Variants in CAMTA1 observed in about 807,000 individuals in gnomAD.
CAMTA1 encodes calmodulin-binding transcription activator 1.
A neutral mutation model predicts 170.9 loss-of-function variants in CAMTA1; 27 were observed. The ratio of observed to expected loss-of-function variants is 0.16; its 90% CI spans 0.12 to 0.22. CAMTA1 has a LOEUF of 0.22. Ranked by LOEUF, CAMTA1 falls within the 10% of genes least tolerant of loss-of-function variation. The probability of loss-of-function intolerance (pLI) is 1.00; values close to 1 mark genes in which losing one functional copy is unlikely to be tolerated. For missense variants in CAMTA1, 1,619 were observed against 2,217.2 expected, an observed-to-expected ratio of 0.73 and a Z score of 5.42; for synonymous variants, 833 against 891.5, an observed-to-expected ratio of 0.93 and a Z score of 1.17.
chr1:7,245,362 T>G (rs901683126), intron 4 of CAMTA1, among the ~76,000 whole-genome samples: 2 of 151,300 alleles, frequency 1.3e-5, no homozygotes, highest in Non-Finnish European at 3.0e-5. Context: ...TTTTACTCTG[T>G]GTAATCTACG....
chr1:7,618,482 G>A (rs2095575271), intron 6 of CAMTA1, among the ~76,000 whole-genome samples: 1 of 152,176 alleles, frequency 6.6e-6, no homozygotes, highest in South Asian at 2.1e-4. Context: ...CCCTGGCTTG[G>A]GGCCTCTGCC....
At chr1:6,977,302 G>C (rs890779489) in intron 3 of CAMTA1, among the ~76,000 whole-genome samples, 3 of 151,810 alleles carry the variant, frequency 2.0e-5, no homozygotes, top group African/African-American at 7.3e-5. Flanking sequence ...TGCCAGTGGG[G>C]TTATGTTGGA....
intron 3 of CAMTA1, among the ~76,000 whole-genome samples, chr1:6,900,470 G>A (rs1207226770): frequency 6.6e-6 from 1 of 151,760 alleles, no homozygotes; most frequent in East Asian, 1.9e-4. Context: ...GTCTTTTGGA[G>A]TTTTAGACAG....
At position 6,900,670 on chromosome 1, in the gene CAMTA1, T is replaced by A. The variant is rs74051042; in HGVS notation, c.234+75460T>A. 6.3e-3 allele frequency among the ~76,000 whole-genome samples: 966 copies of A among 152,202 alleles called. 11 individuals are homozygous for A. Among genetic ancestry groups the A allele is most frequent in the African/African-American group, 0.022 (910 of 41,548 alleles). Reference sequence around the variant, plus strand: ...ACAATTGGAAGAGGAAACTTAAATATCAGTACCATTTACAGTAGCTTCAAA... The same window carrying A: ...ACAATTGGAAGAGGAAACTTAAATAACAGTACCATTTACAGTAGCTTCAAA... On this transcript the variant is annotated intron_variant, in intron 3 of 22. Transcript: ENST00000303635.
intron 6 of CAMTA1, among the ~76,000 whole-genome samples, chr1:7,549,089 G>A (rs1338565518): frequency 7.0e-6 from 1 of 143,510 alleles, no homozygotes; most frequent in African/African-American, 2.6e-5. Flanking sequence ...CCTCCTTAGG[G>A]GTGGAGGTGC....
At chr1:6,926,688 C>CTTCCCTCT (rs1683342420) in intron 3 of CAMTA1, among the ~76,000 whole-genome samples, 1 of 144,284 alleles carries the variant, frequency 6.9e-6, no homozygotes, top group African/African-American at 2.6e-5. Context: ...TCCTTCCTTC[C>CTTCCCTCT]TTCCCTCCTT....
intron 11 of CAMTA1, among the ~76,000 whole-genome samples, chr1:7,709,012 G>A (rs2096548901): frequency 6.6e-6 from 1 of 151,938 alleles, no homozygotes; most frequent in African/African-American, 2.4e-5. Flanking sequence ...TCTCCAGCTG[G>A]CCACACCCCA....
rs535502070 is a variant in CAMTA1 at position 7,425,515 on chromosome 1, G to A, written c.439-42315G>A. The stretch of plus-strand genomic sequence containing the variant: ...TGCAAGGCCAGGGTCCTTCAGAGCA[G>A]CCTCCATGGCAGATAAAGGGAGAGT... On this transcript the variant is annotated intron_variant, in intron 5 of 22. Transcript: ENST00000303635. 9.9e-4 allele frequency among the ~76,000 whole-genome samples: 150 copies of A among 152,242 alleles called. 7 individuals carry two copies. The South Asian group carries it at 0.029, about 30-fold the overall frequency.
At chr1:7,185,549 T>A (rs2148911245) in intron 4 of CAMTA1, among the ~76,000 whole-genome samples, 1 of 152,294 alleles carries the variant, frequency 6.6e-6, no homozygotes, top group East Asian at 1.9e-4. Context: ...ATTTACATAG[T>A]CCTGACATAT....
At chr1:7,384,503 C>T (rs1024113496) in intron 5 of CAMTA1, among the ~76,000 whole-genome samples, 3 of 152,158 alleles carry the variant, frequency 2.0e-5, no homozygotes, top group East Asian at 1.9e-4. Flanking sequence ...TTTGTGAATC[C>T]GTGGCTAATT....
chr1:7,058,198 G>A (rs753640743), intron 3 of CAMTA1, among the ~76,000 whole-genome samples: 2 of 152,100 alleles, frequency 1.3e-5, no homozygotes, highest in African/African-American at 4.8e-5. Context: ...GAATGTCCAG[G>A]ACACGATTCT....
chr1:7,426,235 A>G lies in CAMTA1; in HGVS notation c.439-41595A>G, dbSNP rs964279234. Among the ~76,000 whole-genome samples the G allele has an allele frequency of 4.7e-5, 7 of 150,268 alleles. No homozygotes were observed. The highest frequency in any genetic ancestry group is 1.8e-4 in the African/African-American group (7 of 39,648). ...GCTCTTTAACTATATCCAGGTGCCCAGGGCCAGAGAGAGCTGCACGGTCCG... is the reference window on the plus strand; with the variant it reads ...GCTCTTTAACTATATCCAGGTGCCCGGGGCCAGAGAGAGCTGCACGGTCCG... On this transcript the variant is annotated intron_variant, in intron 5 of 22. Transcript: ENST00000303635. The surrounding 1 kb of genome is among the most constrained non-coding windows in gnomAD (Gnocchi z 4.8).
chr1:7,122,221 C>T (rs1293124764), intron 4 of CAMTA1, among the ~76,000 whole-genome samples: 1 of 152,026 alleles, frequency 6.6e-6, no homozygotes, highest in Non-Finnish European at 1.5e-5. Context: ...ATTAACCTGT[C>T]CCCACTGTCC....
rs987086412 is a variant in CAMTA1, at chr1:7,435,859, C to A, written c.439-31971C>A. Among the ~76,000 whole-genome samples the A allele has an allele frequency of 3.9e-5, 6 of 152,218 alleles. No individual in the cohort carries two copies. The highest frequency in any genetic ancestry group is 1.4e-4 in the African/African-American group (6 of 41,470). On this transcript the variant is annotated intron_variant, in intron 5 of 22. Coordinates refer to ENST00000303635, the MANE Select transcript of CAMTA1 (RefSeq NM_015215.4). This position sits in a 1 kb window ranked among gnomAD's most constrained non-coding sequence, Gnocchi z 4.4. ...CTTGCCTTCTGGCAGGGCTTGCATG[C>A]CTCCGAGCTCACAGCATGACCCAGG...
intron 1 of CAMTA1, among the ~76,000 whole-genome samples, chr1:6,804,992 T>C (rs891549074): frequency 6.6e-6 from 1 of 152,262 alleles, no homozygotes; most frequent in African/African-American, 2.4e-5. Flanking sequence ...TGAACATTTG[T>C]GTACAAGCTT....
intron 5 of CAMTA1, among the ~76,000 whole-genome samples, chr1:7,413,527 G>A (rs2090947343): frequency 6.6e-6 from 1 of 152,142 alleles, no homozygotes; most frequent in African/African-American, 2.4e-5. Flanking sequence ...AATTGTGAAT[G>A]GGAGTTCATT....
In CAMTA1 at chr1:7,602,513, A is replaced by G. The variant is rs569737971; in HGVS notation, c.511-37887A>G. On this transcript the variant is annotated intron_variant, in intron 6 of 22. Transcript: ENST00000303635. ...GATTGGTGGTGATATCCCCTTTATCATTTTTTATTGCGTCTATTTGATTCT... is the reference window on the plus strand; with the variant it reads ...GATTGGTGGTGATATCCCCTTTATCGTTTTTTATTGCGTCTATTTGATTCT... Among the ~76,000 whole-genome samples the G allele has an allele frequency of 2.0e-5, 3 of 152,072 alleles. No individual in the cohort carries two copies. In the South Asian group the frequency reaches 6.2e-4, roughly 32 times the overall value.
intron 5 of CAMTA1, among the ~76,000 whole-genome samples, chr1:7,444,876 T>C (rs2092639511): frequency 6.6e-6 from 1 of 152,234 alleles, no homozygotes; most frequent in South Asian, 2.1e-4. Context: ...GAGCACCTAC[T>C]GTATGCCAGG....
At chr1:7,171,230 C>T (rs1296386742) in intron 4 of CAMTA1, among the ~76,000 whole-genome samples, 2 of 152,178 alleles carry the variant, frequency 1.3e-5, no homozygotes, top group African/African-American at 2.4e-5. Context: ...AAGGTTGGAC[C>T]CACATCTATC....
Sources: allele counts gnomAD v4.1 joint callset (sites outside exome capture counted in the v4.1 genomes callset), GRCh38; gene constraint gnomAD v4.1.1; non-coding constraint Gnocchi (gnomAD v3.1); transcripts MANE v1.5; gene names NCBI Gene and HGNC (gene_info 2026-07-23, HGNC 2026-07-21).